The following DST variants were observed in gnomAD, a reference collection of about 807,000 sequenced individuals.
DST encodes dystonin.
In DST, 253 loss-of-function variants were observed where a neutral mutation model predicts 875.2. The observed-to-expected ratio is 0.29, with a 90% CI of 0.26 to 0.32. The LOEUF (loss-of-function observed/expected upper bound fraction) is 0.32, where lower values mean the gene tolerates loss of function less well. DST is among the 10% of genes least tolerant of loss of function. The pLI, the probability that DST is intolerant of heterozygous loss-of-function variation, is 1.00. For missense variants in DST, 8,287 were observed against 9,111.6 expected (o/e 0.91, Z 3.68); for synonymous variants, 3,124 against 3,197.1 (o/e 0.98, Z 0.77).
At position 56,670,707 on chromosome 6, in the gene DST, C is replaced by T. The variant is rs757602883; in HGVS notation, c.1148G>A (p.Arg383Gln). The change falls in exon 10 of 104, where the codon CGG becomes CAG. Residue 383 changes from arginine (R) to glutamine (Q), a missense_variant. Physicochemically the swap from Arg to Gln is conservative, Grantham distance 43 (BLOSUM62 1). This residue lies in a region of DST where 1,160 missense variants were observed against 1,424.3 expected (regional missense o/e 0.81). Coordinates refer to ENST00000680361, the MANE Select transcript of DST (RefSeq NM_001374736.1). Reference sequence around the variant, plus strand: ...CCAGCAGGTAGTGAAATTTTCACACCGAATTCCAGCATAACCCTCTGTTGC... The same window carrying T: ...CCAGCAGGTAGTGAAATTTTCACACTGAATTCCAGCATAACCCTCTGTTGC... ...QQATEGYAGI[R>Q]CENFTTCWRD... is the part of the protein sequence containing the mutation. The T allele has an allele frequency of 2.7e-5, 44 of 1,608,686 alleles. 2 individuals carry two copies. The Middle Eastern group carries it at 2.8e-3, about 102-fold the overall frequency.
At position 56,467,116 on chromosome 6, in the gene DST, T is replaced by TA. The variant is rs536712990; in HGVS notation, c.22570-922dup. 1.4e-3 allele frequency: 220 copies of TA among 152,276 alleles called. 1 individual carries two copies. The highest frequency in any genetic ancestry group is 5.0e-3 in the African/African-American group (209 of 41,556). The allele number at this position is 152,276 out of a possible 1,614,324, so 9.4% of individuals were successfully genotyped here. ...TTCTAATAGGTTCATGTCCAACTCA[T>TA]AAAAACTACCAGACTGAATTTCACG... is the stretch of plus-strand genomic sequence containing the variant. On this transcript the variant is annotated intron_variant, in intron 98 of 103. Transcript: ENST00000680361.
chr6:56,946,241 T>C (rs1237080075), intron 2 of DST, among the ~76,000 whole-genome samples: 1 of 152,096 alleles, frequency 6.6e-6, no homozygotes, highest in Non-Finnish European at 1.5e-5. Flanking sequence ...GCCAATAGTA[T>C]CAAATACTGG....
At chr6:56,631,771 A>G (rs539777308) in intron 29 of DST, 112 bp downstream of exon 29, 42 of 965,040 alleles carry the variant, frequency 4.4e-5, no homozygotes, top group Middle Eastern at 2.1e-4. Context: ...CTCACCTCAC[A>G]CTAGACTGGC....
Position 56,605,506 on chromosome 6 carries a change from T to C in DST, c.9122A>G (p.Asp3041Gly), listed in dbSNP as rs1325673480. 2.5e-6 allele frequency: 4 copies of C among 1,612,940 alleles called. No individual in the cohort carries two copies. The African/African-American group carries it at 5.3e-5, about 22-fold the overall frequency. ...TGATGTTTCATCTTCTATTAGAATA[T>C]CACTTTTGCCATCTCTCCCTTTAAT... ...DLIKGRDGKS[D>G]ILIEDETSIQ... Residue 3041 changes from aspartate (D) to glycine (G), a missense_variant, in exon 40 of 104, where the codon GAT (aspartate) becomes GGT (glycine). By Grantham distance (94) the Asp-to-Gly change is moderately conservative (BLOSUM62 -1). Coordinates refer to ENST00000680361, the MANE Select transcript of DST (RefSeq NM_001374736.1).
Position 56,579,067 on chromosome 6 carries a change from T to G in DST, c.12904-130A>C, listed in dbSNP as rs76896224. The G allele has an allele frequency of 2.8e-4, 208 of 743,664 alleles. No homozygotes were observed. In the East Asian group the frequency reaches 4.0e-3, roughly 14 times the overall value. 46.1% of individuals were successfully genotyped at this position (743,664 alleles called of 1,614,324 possible). A position where few individuals can be genotyped will look rare whatever the true frequency, so the allele number is the denominator to read the frequency against. ...AAACTTTTCATCATACCAACTTTCA[T>G]CATCAACTTACTCCAGAGTTCTTCG... On this transcript the variant is annotated intron_variant, in intron 49 of 103. Transcript: ENST00000680361.
In DST at chr6:56,608,353, A is replaced by G. The variant is rs2098515988; in HGVS notation, c.6275T>C (p.Ile2092Thr). The G allele has an allele frequency of 6.2e-7, 1 of 1,612,706 alleles. No homozygotes were observed. The highest frequency in any genetic ancestry group is 8.5e-7 in the Non-Finnish European group (1 of 1,179,792). Residue 2092 changes from isoleucine (I) to threonine (T), a missense_variant, in exon 40 of 104, where the codon ATT becomes ACT. This residue lies in a region of DST where 3,138 missense variants were observed against 3,116.6 expected (regional missense o/e 1.01). Transcript: ENST00000680361. ...PTSSSLQQEL[I>T]TNELAYKILN... ...GATTTTGTAGGCCAATTCATTTGTA[A>G]TCAATTCTTGCTGCAAGGAAGATGA... is the stretch of plus-strand genomic sequence containing the variant.
rs994095589 is a variant in DST at position 56,616,700 on chromosome 6, T to C, written c.4930-2216A>G. On this transcript the variant is annotated intron_variant, in intron 36 of 103. Coordinates refer to ENST00000680361, the MANE Select transcript of DST (RefSeq NM_001374736.1). ...AGGAACACGAATGCCTCTCACAGGG[T>C]CAATGACACCCCCACTGGCAATCTG... 4 of 1,614,028 alleles carry C rather than the reference T, an allele frequency of 2.5e-6. No individual in the cohort carries two copies. The African/African-American group carries it at 5.3e-5, about 22-fold the overall frequency.
chr6:56,812,101 C>CAAAA (rs375166145), intron 4 of DST, among the ~76,000 whole-genome samples: 1 of 14,826 alleles, frequency 6.7e-5, no homozygotes, highest in African/African-American at 2.3e-4. Flanking sequence ...GACTCTGACT[C>CAAAA]AAAAAAAAAA....
chr6:56,503,242 C>G (rs1249602884), intron 78 of DST, among the ~76,000 whole-genome samples: 4 of 151,786 alleles, frequency 2.6e-5, no homozygotes, highest in Non-Finnish European at 4.4e-5. Context: ...TCACTATAGT[C>G]AAAAATAATT....
At chr6:56,475,373 G>A (rs560995503) in intron 92 of DST, among the ~76,000 whole-genome samples, 1 of 148,176 alleles carries the variant, frequency 6.7e-6, no homozygotes, top group South Asian at 2.1e-4. Flanking sequence ...TATAGACATT[G>A]ATGTCTTATT....
Position 56,517,305 on chromosome 6 carries a change from T to C in DST, c.18250A>G (p.Thr6084Ala), listed in dbSNP as rs749880417. The C allele has an allele frequency of 9.9e-6, 16 of 1,609,064 alleles. No individual in the cohort carries two copies. The highest frequency in any genetic ancestry group is 1.4e-5 in the Non-Finnish European group (16 of 1,176,946). ...TGTCTCAAAATCTCCATGGTGAATGTCTGTGATTTACCAAAATAAAGACAA... is the reference window on the plus strand; with the variant it reads ...TGTCTCAAAATCTCCATGGTGAATGCCTGTGATTTACCAAAATAAAGACAA... ...QTSAQLQVQK[T>A]FTMEILRHKD... is the part of the protein sequence containing the mutation. Residue 6084 changes from threonine to alanine, a missense_variant and splice_region_variant, in exon 71 of 104, where the codon ACA becomes GCA. Physicochemically the swap from Thr to Ala is moderately conservative, Grantham distance 58 (BLOSUM62 0). Around this residue, in one of 10 missense-constraint regions of DST, gnomAD observed 777 missense variants for 764.8 expected, o/e 1.02. Transcript: ENST00000680361.
chr6:56,462,055 G>A (rs1331080409), intron 102 of DST: 2 of 152,202 alleles, frequency 1.3e-5, no homozygotes, highest in Admixed American at 1.3e-4. Flanking sequence ...AAAGTGTTTT[G>A]AAAAGCATAA....
At chr6:56,638,990 T>G (rs2098852277) in intron 22 of DST, 3 of 509,720 alleles carry the variant, frequency 5.9e-6, no homozygotes. Flanking sequence ...AATATGGCAA[T>G]GCTTACACAG....
chr6:56,604,401 A>T lies in DST; in HGVS notation c.10227T>A (p.Ser3409=), dbSNP rs753392888. The change falls in exon 40 of 104, where the codon TCT becomes TCA. Residue 3409 remains serine (S), a synonymous_variant. Coordinates refer to ENST00000680361, the MANE Select transcript of DST (RefSeq NM_001374736.1). ...AAACTCCAGAAGAGTCACTCATTTG[A>T]GAGTCGCTGGGCACAGTAGATGCCT... ...VNEASTVPSD[S]QMSDSSGVSP... is the part of the protein sequence containing the mutation. 6.2e-7 allele frequency: 1 copy of T among 1,611,104 alleles called. No individual in the cohort carries two copies. The highest frequency in any genetic ancestry group is 2.2e-5 in the East Asian group (1 of 44,748).
chr6:56,741,325 A>G (rs1178553184), intron 4 of DST, among the ~76,000 whole-genome samples: 1 of 152,232 alleles, frequency 6.6e-6, no homozygotes, highest in African/African-American at 2.4e-5. Flanking sequence ...ATCCGTAACT[A>G]AAGTACATAA....
rs564178571 is a variant in DST, at chr6:56,582,981, A to C, written c.12904-4044T>G. ...TGGTGTATATGTGCCACATTTTCTT[A>C]ATCCAGTCTATCATTGTTGGACATT... is the stretch of plus-strand genomic sequence containing the variant. On this transcript the variant is annotated intron_variant, in intron 49 of 103. Transcript: ENST00000680361. Among the ~76,000 whole-genome samples, 550 of 152,180 alleles carry C rather than the reference A, an allele frequency of 3.6e-3. 3 individuals are homozygous for C. Among genetic ancestry groups the C allele is most frequent in the Middle Eastern group, 0.024 (7 of 294 alleles).
intron 90 of DST, among the ~76,000 whole-genome samples, chr6:56,480,026 T>C (rs1166072138): frequency 1.3e-5 from 2 of 152,202 alleles, no homozygotes; most frequent in Non-Finnish European, 2.9e-5. Flanking sequence ...CTCTGGCATT[T>C]TGCTATGTTA....
At chr6:56,616,176 C>T (rs938976645) in intron 36 of DST, 1 of 1,614,202 alleles carries the variant, frequency 6.2e-7, no homozygotes, top group East Asian at 2.2e-5. Flanking sequence ...AAAGAATCAG[C>T]AAGTTCTGTA....
In DST at chr6:56,605,055, T is replaced by C. The variant is rs762600132; in HGVS notation, c.9573A>G (p.Ile3191Met). ...FTYLKHCAKNIKAKDVAKPNE... is the reference protein window; with the variant it reads ...FTYLKHCAKNMKAKDVAKPNE... ...TTGGTTTGGCTACATCTTTTGCTTT[T>C]ATATTTTTAGCACAATGTTTTAAGT... is the stretch of plus-strand genomic sequence containing the variant. Residue 3191 changes from isoleucine to methionine, a missense_variant, in exon 40 of 104, where the codon ATA becomes ATG. Transcript: ENST00000680361. The C allele has an allele frequency of 1.9e-6, 3 of 1,612,702 alleles. No individual in the cohort carries two copies. The highest frequency in any genetic ancestry group is 2.7e-5 in the African/African-American group (2 of 74,856).
Sources: gnomAD v4.1 joint callset for allele counts (sites outside exome capture counted in the v4.1 genomes callset) on GRCh38, gnomAD v4.1.1 for gene constraint, gnomAD v4.1.1 regional missense constraint, MANE v1.5 for transcripts, NCBI Gene and HGNC (gene_info 2026-07-23, HGNC 2026-07-21) for gene names.